The following PCDHA6 variants were observed in gnomAD, a reference collection of about 807,000 sequenced individuals.
The protein encoded by PCDHA6 is protocadherin alpha-6.
PCDHA6 carries 55 observed loss-of-function variants against 60.3 expected under a neutral mutation model. The ratio of observed to expected loss-of-function variants is 0.91; its 90% CI spans 0.73 to 1.14. PCDHA6 has a LOEUF of 1.14. Among genes scored for constraint, PCDHA6 ranks in the 50% most tolerant of loss-of-function variants. PCDHA6 has a pLI of 0.00. For synonymous variants in PCDHA6, 652 were observed against 557.9 expected, an observed-to-expected ratio of 1.17 and a Z score of -2.38; for missense variants, 1,327 against 1,256.5, an observed-to-expected ratio of 1.06 and a Z score of -0.85.
At chr5:140,945,768 T>C (rs1212479192) in intron 1 of PCDHA6, among the ~76,000 whole-genome samples, 3 of 152,062 alleles carry the variant, frequency 2.0e-5, no homozygotes, top group African/African-American at 7.2e-5. Flanking sequence ...GTGGGACAAT[T>C]TGATATCCAG....
At chr5:140,854,746 A>G (rs1562496146) in intron 1 of PCDHA6, 1 of 149,836 alleles carries the variant, frequency 6.7e-6, no homozygotes, top group Non-Finnish European at 1.5e-5. Context: ...CAGCACAGAT[A>G]TATTACATTT....
chr5:140,939,175 C>A (rs2092330886), intron 1 of PCDHA6, among the ~76,000 whole-genome samples: 1 of 152,010 alleles, frequency 6.6e-6, no homozygotes, highest in African/African-American at 2.4e-5. Context: ...TGGTAATGGC[C>A]CACTCCCTGG....
intron 1 of PCDHA6, chr5:140,835,435 C>G (rs782068094): frequency 6.2e-7 from 1 of 1,613,788 alleles, no homozygotes; most frequent in Non-Finnish European, 8.5e-7. Context: ...CCACAGTTGA[C>G]TCTCACTTCC....
chr5:140,836,346 G>A, intron 1 of PCDHA6: 2 of 1,613,696 alleles, frequency 1.2e-6, no homozygotes, highest in Admixed American at 1.7e-5. Context: ...GAAGGACCAC[G>A]GGGAGCCCTC....
At chr5:140,897,993 A>G (rs2066447415) in intron 1 of PCDHA6, among the ~76,000 whole-genome samples, 1 of 152,184 alleles carries the variant, frequency 6.6e-6, no homozygotes, top group African/African-American at 2.4e-5. Flanking sequence ...TCTTCTTTTG[A>G]GAAGTGTCTG....
At chr5:140,938,538 AT>A (rs1278860544) in intron 1 of PCDHA6, among the ~76,000 whole-genome samples, 1 of 135,490 alleles carries the variant, frequency 7.4e-6, no homozygotes, top group Non-Finnish European at 1.6e-5. Context: ...GATAATATGG[AT>A]TTTTATCCTT....
intron 1 of PCDHA6, among the ~76,000 whole-genome samples, chr5:140,912,377 A>T (rs1202586249): frequency 1.3e-5 from 2 of 149,084 alleles, no homozygotes; most frequent in Admixed American, 6.7e-5. Context: ...TGTAAAAGGG[A>T]TTGAGTTCTT....
In PCDHA6 at chr5:140,828,847, C is replaced by G. The variant is rs1177890960; in HGVS notation, c.756C>G (p.Phe252Leu). ...AGTCTGAATACGAAGTAAGAATATT[C>G]GAAAATGCAGACAACGGAACAACAG... is the stretch of plus-strand genomic sequence containing the variant. ...FEQSEYEVRIFENADNGTTVI... is the reference protein window; with the variant it reads ...FEQSEYEVRILENADNGTTVI... Residue 252 changes from phenylalanine (F) to leucine (L), a missense_variant, in exon 1 of 4, where the codon TTC becomes TTG. Phe to Leu is a conservative substitution (Grantham distance 22). Transcript: ENST00000529310. The G allele has an allele frequency of 6.2e-7, 1 of 1,614,050 alleles. No homozygotes were observed. Among genetic ancestry groups the G allele is most frequent in the African/African-American group, 1.3e-5 (1 of 74,920 alleles).
chr5:140,958,454 T>G (rs2095424871), intron 1 of PCDHA6, among the ~76,000 whole-genome samples: 1 of 152,168 alleles, frequency 6.6e-6, no homozygotes, highest in African/African-American at 2.4e-5. Flanking sequence ...CCTTTTATTC[T>G]TCAACTTCTG....
intron 1 of PCDHA6, among the ~76,000 whole-genome samples, chr5:140,964,320 T>C (rs782388382): frequency 1.3e-5 from 2 of 152,206 alleles, no homozygotes; most frequent in Non-Finnish European, 2.9e-5. Context: ...TAAAACAGCA[T>C]AATGGACAAC....
At chr5:140,998,347 T>C (rs2097807005) in intron 3 of PCDHA6, among the ~76,000 whole-genome samples, 1 of 152,202 alleles carries the variant, frequency 6.6e-6, no homozygotes, top group Non-Finnish European at 1.5e-5. Context: ...TCTGAGTCTG[T>C]GCTCTTAACC....
At chr5:141,005,696 C>A (rs1269379462) in intron 3 of PCDHA6, among the ~76,000 whole-genome samples, 1 of 105,034 alleles carries the variant, frequency 9.5e-6, no homozygotes, top group African/African-American at 4.2e-5. Flanking sequence ...AGCGAAACTC[C>A]GTCTCAAAAA....
intron 1 of PCDHA6, chr5:140,869,782 C>T (rs782296742): frequency 1.6e-5 from 25 of 1,612,752 alleles, no homozygotes; most frequent in East Asian, 2.2e-5. Context: ...TGGCACCGTT[C>T]GGCTGTTAGT....
intron 1 of PCDHA6, chr5:140,882,727 A>G (rs1554175345): frequency 6.2e-7 from 1 of 1,614,250 alleles, no homozygotes. Context: ...CTCGATTTCC[A>G]CTAGATGGCG....
chr5:141,008,872 A>C (rs1174901625), intron 3 of PCDHA6, among the ~76,000 whole-genome samples: 1 of 152,140 alleles, frequency 6.6e-6, no homozygotes, highest in Non-Finnish European at 1.5e-5. Context: ...GCTGCATCCC[A>C]CCACCCTTCA....
chr5:140,829,903 C>G lies in PCDHA6; in HGVS notation c.1812C>G (p.Asn604Lys), dbSNP rs782134190. 1 of 1,613,860 alleles carries G rather than the reference C, an allele frequency of 6.2e-7. No individual in the cohort carries two copies. Among genetic ancestry groups the G allele is most frequent in the Non-Finnish European group, 8.5e-7 (1 of 1,179,912 alleles). ...VRAVDADSGY[N>K]AWLSYELQPP... ...CAGTTGACGCCGACTCAGGCTACAA[C>G]GCGTGGCTTTCGTATGAGCTGCAGC... is the stretch of plus-strand genomic sequence containing the variant. The change falls in exon 1 of 4, where the codon AAC becomes AAG. Residue 604 changes from asparagine to lysine, a missense_variant. Coordinates refer to ENST00000529310, the MANE Select transcript of PCDHA6 (RefSeq NM_018909.4).
At chr5:140,966,838 G>A in intron 1 of PCDHA6, 1 of 1,566,774 alleles carries the variant, frequency 6.4e-7, no homozygotes, top group South Asian at 1.2e-5. Context: ...CCTGGCTGCT[G>A]CTACTGCCTC....
chr5:140,969,095 C>T, intron 1 of PCDHA6: 1 of 1,614,168 alleles, frequency 6.2e-7, no homozygotes, highest in East Asian at 2.2e-5. Flanking sequence ...AGTGCAGCCT[C>T]ACTTCATTGA....
At chr5:140,971,110 G>A (rs2096457221) in intron 1 of PCDHA6, among the ~76,000 whole-genome samples, 1 of 152,172 alleles carries the variant, frequency 6.6e-6, no homozygotes, top group Admixed American at 6.5e-5. Flanking sequence ...CTTTGGGATT[G>A]GGGTGGGCTA....
Sources: gnomAD v4.1 joint callset for allele counts (sites outside exome capture counted in the v4.1 genomes callset) on GRCh38, gnomAD v4.1.1 for gene constraint, MANE v1.5 for transcripts, NCBI Gene and HGNC (gene_info 2026-07-23, HGNC 2026-07-21) for gene names.